The following LINGO2 variants were observed in gnomAD, a reference collection of about 807,000 sequenced individuals.
The protein encoded by LINGO2 is leucine rich repeat and Ig domain containing 2, also known as leucine-rich repeat and immunoglobulin-like domain-containing nogo receptor-interacting protein 2.
Under a neutral mutation model 30.6 loss-of-function variants are expected in LINGO2, and 14 were observed. That is an observed-to-expected ratio of 0.46 (90% CI 0.30 to 0.72). The LOEUF (loss-of-function observed/expected upper bound fraction) is 0.72. LINGO2 is among the 30% of genes least tolerant of loss of function. LINGO2 has a pLI of 0.07. For missense variants in LINGO2, 729 were observed against 751.7 expected (o/e 0.97, Z 0.35); for synonymous variants, 317 against 288.5 (o/e 1.10, Z -1.00).
At chr9:27,992,485 T>C (rs1821445365) in intron 5 of LINGO2, among the ~76,000 whole-genome samples, 1 of 152,074 alleles carries the variant, frequency 6.6e-6, no homozygotes, top group Non-Finnish European at 1.5e-5. Flanking sequence ...GGAAATATTA[T>C]CATAGGTAAG....
At chr9:28,153,035 A>G (rs1413488410) in intron 4 of LINGO2, among the ~76,000 whole-genome samples, 1 of 152,174 alleles carries the variant, frequency 6.6e-6, no homozygotes, top group Non-Finnish European at 1.5e-5. Context: ...CCGATGCTCA[A>G]TATTATTAAT....
chr9:28,821,741 G>T, the LINGO2 span, among the ~76,000 whole-genome samples: 1 of 152,200 alleles, frequency 6.6e-6, no homozygotes, highest in South Asian at 2.1e-4. Flanking sequence ...GGCAGCAAAA[G>T]ATGGGAGGAC....
At chr9:28,656,476 C>A (rs1233892330) in intron 1 of LINGO2, among the ~76,000 whole-genome samples, 1 of 151,894 alleles carries the variant, frequency 6.6e-6, no homozygotes. Flanking sequence ...GAGAATATGA[C>A]TTTTGAAATA....
At chr9:28,389,693 GAAAC>G (rs1343326173) in intron 2 of LINGO2, among the ~76,000 whole-genome samples, 3 of 152,076 alleles carry the variant, frequency 2.0e-5, no homozygotes, top group Non-Finnish European at 4.4e-5. Context: ...CTTCCCACAC[GAAAC>G]AAACAAACGA....
At chr9:28,930,802 CT>C in the LINGO2 span, among the ~76,000 whole-genome samples, 1 of 152,186 alleles carries the variant, frequency 6.6e-6, no homozygotes, top group East Asian at 1.9e-4. This position sits in a 1 kb window ranked among gnomAD's most constrained non-coding sequence, Gnocchi z 4.2. Flanking sequence ...GGATTTAAGA[CT>C]GACCATTAGC....
intron 3 of LINGO2, among the ~76,000 whole-genome samples, chr9:28,313,253 T>A (rs1048107468): frequency 6.6e-6 from 1 of 152,178 alleles, no homozygotes; most frequent in Non-Finnish European, 1.5e-5. Flanking sequence ...AAAAGAATGC[T>A]TTTCACACTC....
intron 1 of LINGO2, among the ~76,000 whole-genome samples, chr9:28,504,034 A>G (rs1395056139): frequency 3.3e-5 from 5 of 152,018 alleles, no homozygotes; most frequent in African/African-American, 1.2e-4. Context: ...AACCCCACAC[A>G]GCAGAAAAAC....
At chr9:28,897,079 A>T in the LINGO2 span, among the ~76,000 whole-genome samples, 1 of 152,292 alleles carries the variant, frequency 6.6e-6, no homozygotes, top group African/African-American at 2.4e-5. Context: ...ACAAAGAGTG[A>T]GAGACTAGTA....
intron 5 of LINGO2, among the ~76,000 whole-genome samples, chr9:27,952,719 C>T (rs979664150): frequency 5.3e-5 from 8 of 151,994 alleles, no homozygotes; most frequent in African/African-American, 1.7e-4. Flanking sequence ...GGAAAATTTG[C>T]ATACTAACTT....
intron 2 of LINGO2, among the ~76,000 whole-genome samples, chr9:28,402,823 C>T (rs1409835637): frequency 6.6e-6 from 1 of 152,130 alleles, no homozygotes; most frequent in African/African-American, 2.4e-5. Flanking sequence ...CCTGCTTCAG[C>T]AACATTTCAA....
chr9:29,022,689 G>A, the LINGO2 span, among the ~76,000 whole-genome samples: 6 of 152,118 alleles, frequency 3.9e-5, no homozygotes, highest in East Asian at 1.2e-3. Context: ...CTTTTTGTAA[G>A]TATTGGAGTG....
chr9:28,527,070 TG>T (rs1053366883), intron 1 of LINGO2, among the ~76,000 whole-genome samples: 1 of 152,178 alleles, frequency 6.6e-6, no homozygotes, highest in African/African-American at 2.4e-5. Context: ...TCTAGAAACA[TG>T]TTTGTTTTCT....
At chr9:28,684,052 T>A in the LINGO2 span, among the ~76,000 whole-genome samples, 1 of 151,986 alleles carries the variant, frequency 6.6e-6, no homozygotes, top group Non-Finnish European at 1.5e-5. Context: ...AAGCAATATT[T>A]TTTGCAAAAA....
the LINGO2 span, among the ~76,000 whole-genome samples, chr9:28,834,936 C>T: frequency 6.6e-6 from 1 of 152,178 alleles, no homozygotes; most frequent in Non-Finnish European, 1.5e-5. Context: ...TCCAGTACTT[C>T]ATACAATCCC....
At chr9:27,973,557 A>G (rs115331274) in intron 5 of LINGO2, among the ~76,000 whole-genome samples, 1 of 152,210 alleles carries the variant, frequency 6.6e-6, no homozygotes, top group Non-Finnish European at 1.5e-5. Context: ...TTAAGGAAGG[A>G]TATGTTTCAA....
the LINGO2 span, among the ~76,000 whole-genome samples, chr9:28,848,513 T>A: frequency 6.8e-6 from 1 of 147,630 alleles, no homozygotes; most frequent in African/African-American, 2.5e-5. Flanking sequence ...TCAACCAAAA[T>A]GGACAATGTT....
intron 2 of LINGO2, among the ~76,000 whole-genome samples, chr9:28,448,597 A>G (rs1052609918): frequency 5.9e-5 from 9 of 152,144 alleles, no homozygotes; most frequent in Admixed American, 2.0e-4. Flanking sequence ...AAGATGATCC[A>G]GATGCAGATA....
the LINGO2 span, among the ~76,000 whole-genome samples, chr9:28,850,668 A>G: frequency 6.6e-6 from 1 of 152,056 alleles, no homozygotes; most frequent in Non-Finnish European, 1.5e-5. Context: ...AAACAAGGTC[A>G]ATATGGAACA....
the LINGO2 span, among the ~76,000 whole-genome samples, chr9:28,851,159 C>G: frequency 1.3e-5 from 2 of 152,116 alleles, no homozygotes; most frequent in African/African-American, 4.8e-5. Flanking sequence ...TAACAAGTTA[C>G]AAGATATTTA....
Sources: allele counts gnomAD v4.1 joint callset (sites outside exome capture counted in the v4.1 genomes callset), GRCh38; gene constraint gnomAD v4.1.1; non-coding constraint Gnocchi (gnomAD v3.1); transcripts MANE v1.5; gene names NCBI Gene and HGNC (gene_info 2026-07-23, HGNC 2026-07-21).